GGT7: variants seen among roughly 807,000 people sequenced by gnomAD.
The protein encoded by GGT7 is gamma-glutamyltransferase 7.
A neutral mutation model predicts 69.2 loss-of-function variants in GGT7; 30 were observed. The observed-to-expected ratio is 0.43, with a 90% CI of 0.32 to 0.59. The LOEUF is 0.59. Ranked by LOEUF, GGT7 falls within the 20% of genes least tolerant of loss-of-function variation. The pLI is 0.05. For missense variants in GGT7, 733 were observed against 901.1 expected (o/e 0.81, Z 2.39); for synonymous variants, 388 against 391.8 (o/e 0.99, Z 0.12).
Position 34,847,608 on chromosome 20 carries a change from T to C in GGT7, c.1826-2117A>G, listed in dbSNP as rs1190314483. ...GCAAGGAACAAGTTTCAGTCTGCTC[T>C]CTAACGCTTCCTAATCTCCTTCTTT... is the stretch of plus-strand genomic sequence containing the variant. On this transcript the variant is annotated intron_variant, in intron 14 of 14. Transcript: ENST00000336431. 3.9e-5 allele frequency among the ~76,000 whole-genome samples: 6 copies of C among 152,260 alleles called. No individual in the cohort carries two copies. In the East Asian group the frequency reaches 5.8e-4, roughly 15 times the overall value.
rs777536044 is a variant in GGT7 at position 34,854,889 on chromosome 20, C to T, written c.1137G>A (p.Thr379=). The change falls in exon 9 of 15, where the codon ACG becomes ACA. Residue 379 remains threonine (T), a synonymous_variant. Transcript: ENST00000336431. ...HLVLSPPPPH[T]GPALISALNI... The stretch of plus-strand genomic sequence containing the variant: ...TGAGAGCACTGATGAGGGCAGGGCC[C>T]GTGTGCGGAGGTGGGGGACTAAGAA... The T allele has an allele frequency of 5.6e-6, 9 of 1,613,784 alleles. No homozygotes were observed. The highest frequency in any genetic ancestry group is 3.4e-6 in the Non-Finnish European group (4 of 1,179,852).
At position 34,872,793 on chromosome 20, in the gene GGT7, C is replaced by T. The variant is rs760975750; in HGVS notation, c.23G>A (p.Ser8Asn). 3 of 1,378,778 alleles carry T rather than the reference C, an allele frequency of 2.2e-6. No individual in the cohort carries two copies. In the East Asian group the frequency reaches 9.0e-5, roughly 41 times the overall value. The allele number at this position is 1,378,778 out of a possible 1,614,324, so 85.4% of individuals were successfully genotyped here. A position where few individuals can be genotyped will look rare whatever the true frequency, so the allele number is the denominator to read the frequency against. MAAENEASQESALGAYSP... is the reference protein window; with the variant it reads MAAENEANQESALGAYSP... The stretch of plus-strand genomic sequence containing the variant: ...GTAGGCGCCCAGGGCGCTCTCCTGG[C>T]TGGCCTCGTTCTCCGCCGCCATCCT... Residue 8 changes from serine (S) to asparagine (N), a missense_variant, in exon 1 of 15, where the codon AGC becomes AAC. Coordinates refer to ENST00000336431, the MANE Select transcript of GGT7 (RefSeq NM_178026.3).
Position 34,845,126 on chromosome 20 carries a change from A to ACCACCACCC in GGT7, c.*201_*202insGGGTGGTGG. 2.8e-6 allele frequency: 1 copy of ACCACCACCC among 359,886 alleles called. No homozygotes were observed. Among genetic ancestry groups the ACCACCACCC allele is most frequent in the South Asian group, 2.4e-5 (1 of 42,218 alleles). 22.3% of individuals were successfully genotyped at this position (359,886 alleles called of 1,614,324 possible). On this transcript the variant is annotated 3_prime_UTR_variant, in exon 15 of 15. Transcript: ENST00000336431. Reference sequence around the variant, plus strand: ...GATGCTGACACTCACCACCACCACCACCACCACCACCACCACCACCACCAC... The same window carrying ACCACCACCC: ...GATGCTGACACTCACCACCACCACCACCACCACCCCCACCACCACCACCACCACCACCAC...
In GGT7 at chr20:34,852,378, A is replaced by G; in HGVS notation, c.1469+11T>C. ...TCCCTTGTTCCAGGTTCTGAGTCTG[A>G]GCTGGCATACCTAACCATGGCCACA... On this transcript the variant is annotated intron_variant, in intron 11 of 14. Coordinates refer to ENST00000336431, the MANE Select transcript of GGT7 (RefSeq NM_178026.3). The G allele has an allele frequency of 6.2e-7, 1 of 1,613,942 alleles. No homozygotes were observed. Among genetic ancestry groups the G allele is most frequent in the Non-Finnish European group, 8.5e-7 (1 of 1,179,952 alleles).
At chr20:34,860,102 G>A in intron 5 of GGT7, 60 bp from the exon 6 acceptor site, 1 of 909,430 alleles carries the variant, frequency 1.1e-6, no homozygotes. Flanking sequence ...AGGGGTCCGG[G>A]GGGAGGGGGG....
chr20:34,845,138 A>ACCC lies in GGT7; in HGVS notation c.*189_*190insGGG. The ACCC allele has an allele frequency of 9.5e-6, 3 of 317,238 alleles. No individual in the cohort carries two copies. Among genetic ancestry groups the ACCC allele is most frequent in the South Asian group, 2.6e-5 (1 of 38,720 alleles). The allele number at this position is 317,238 out of a possible 1,614,324, so 19.7% of individuals were successfully genotyped here. The stretch of plus-strand genomic sequence containing the variant: ...CACCACCACCACCACCACCACCACC[A>ACCC]CCACCACCACCACCACAGGCCTCCT... On this transcript the variant is annotated 3_prime_UTR_variant, in exon 15 of 15. Coordinates refer to ENST00000336431, the MANE Select transcript of GGT7 (RefSeq NM_178026.3).
Position 34,863,793 on chromosome 20 carries a change from G to A in GGT7, c.170-245C>T. On this transcript the variant is annotated intron_variant, in intron 1 of 14. Transcript: ENST00000336431. The surrounding 1 kb of genome is among the most constrained non-coding windows in gnomAD (Gnocchi z 4.4). The stretch of plus-strand genomic sequence containing the variant: ...GGAGGCTGGATTCCCGCCCCTCCCT[G>A]ATACCTAGGCCAAATTTCCTGGCAC... 1.4e-6 allele frequency: 1 copy of A among 697,208 alleles called. No individual in the cohort carries two copies. The highest frequency in any genetic ancestry group is 2.7e-6 in the Non-Finnish European group (1 of 372,538). 43.2% of individuals were successfully genotyped at this position (697,208 alleles called of 1,614,324 possible). A position where few individuals can be genotyped will look rare whatever the true frequency, so the allele number is the denominator to read the frequency against.
intron 4 of GGT7, among the ~76,000 whole-genome samples, chr20:34,860,745 G>A (rs2079581331): frequency 6.8e-6 from 1 of 148,080 alleles, no homozygotes; most frequent in Non-Finnish European, 1.5e-5. Flanking sequence ...AGCGATCCTT[G>A]GTGCATGCTA....
At position 34,859,446 on chromosome 20, in the gene GGT7, G is replaced by T; in HGVS notation, c.1011C>A (p.Ala337=). The stretch of plus-strand genomic sequence containing the variant: ...CCCGCACAACACGAGCACTTACCTC[G>T]GCCACCATCTCCAGTGTGAGGTTGC... ...AGGNLTLEMV[A]EAQHAGGVIT... The change falls in exon 7 of 15, where the codon GCC becomes GCA. Residue 337 remains alanine (A), a synonymous_variant. Transcript: ENST00000336431. 1.9e-6 allele frequency: 3 copies of T among 1,578,090 alleles called. No homozygotes were observed. Among genetic ancestry groups the T allele is most frequent in the Non-Finnish European group, 2.6e-6 (3 of 1,154,290 alleles).
intron 14 of GGT7, among the ~76,000 whole-genome samples, chr20:34,847,449 A>T (rs2079319598): frequency 6.6e-6 from 1 of 152,200 alleles, no homozygotes; most frequent in Non-Finnish European, 1.5e-5. Context: ...CTCAATAAAG[A>T]TCTAGTCTTC....
rs533561120 is a variant in GGT7 at position 34,860,637 on chromosome 20, C to CTTT, written c.676-319_676-317dup. 3.8e-4 allele frequency among the ~76,000 whole-genome samples: 43 copies of CTTT among 113,858 alleles called. 2 individuals are homozygous for CTTT. The highest frequency in any genetic ancestry group is 1.6e-3 in the South Asian group (5 of 3,170). The allele number at this position is 113,858 out of a possible 152,430, so 74.7% of individuals were successfully genotyped here. A position where few individuals can be genotyped will look rare whatever the true frequency, so the allele number is the denominator to read the frequency against. ...TACATTGGATTTCACCAACCCCTGC[C>CTTT]TTTTTTTTTTTTTTTTTTTTTTTTT... On this transcript the variant is annotated intron_variant, in intron 4 of 14. Coordinates refer to ENST00000336431, the MANE Select transcript of GGT7 (RefSeq NM_178026.3).
rs138170250 is a variant in GGT7 at position 34,847,520 on chromosome 20, C to A, written c.1826-2029G>T. On this transcript the variant is annotated intron_variant, in intron 14 of 14. Transcript: ENST00000336431. ...GAGATGAAGACCCAATCTTGAATAG[C>A]ATTAAATCACTTAATCGAAAATCTA... Among the ~76,000 whole-genome samples the A allele has an allele frequency of 4.1e-3, 631 of 152,334 alleles. 15 individuals carry two copies. Among genetic ancestry groups the A allele is most frequent in the African/African-American group, 0.014 (596 of 41,570 alleles).
At chr20:34,852,654 T>TACTGC in intron 10 of GGT7, 116 bp from the exon 11 acceptor site, 2 of 937,486 alleles carry the variant, frequency 2.1e-6, no homozygotes, top group Non-Finnish European at 3.1e-6. Flanking sequence ...CTCACTGGAC[T>TACTGC]ACTAGGTCTA....
At chr20:34,861,003 G>A (rs2079584815) in intron 4 of GGT7, among the ~76,000 whole-genome samples, 1 of 152,172 alleles carries the variant, frequency 6.6e-6, no homozygotes, top group Non-Finnish European at 1.5e-5. Flanking sequence ...GGGTGTGTTT[G>A]GCTTTTGCCA....
intron 7 of GGT7, among the ~76,000 whole-genome samples, chr20:34,857,687 G>A (rs2079518733): frequency 7.0e-6 from 1 of 143,400 alleles, no homozygotes; most frequent in African/African-American, 2.6e-5. Context: ...GCACGATCAT[G>A]GCTCACTGTA....
chr20:34,860,765 G>T (rs1341975003), intron 4 of GGT7, among the ~76,000 whole-genome samples: 1 of 151,080 alleles, frequency 6.6e-6, no homozygotes, highest in East Asian at 2.0e-4. Context: ...ACTGTGCCTG[G>T]CTAATTTCAA....
In GGT7 at chr20:34,856,770, C is replaced by T. The variant is rs758364025; in HGVS notation, c.1102+36G>A. On this transcript the variant is annotated intron_variant, in intron 8 of 14. Transcript: ENST00000336431. ...GTGGCCATGGACTGGGAGGCTTCTCCTGAGGGGGGACCCTGGGAGCCGGGG... is the reference window on the plus strand; with the variant it reads ...GTGGCCATGGACTGGGAGGCTTCTCTTGAGGGGGGACCCTGGGAGCCGGGG... 4.7e-6 allele frequency: 6 copies of T among 1,266,486 alleles called. No individual in the cohort carries two copies. The South Asian group carries it at 4.9e-5, about 10-fold the overall frequency. The allele number at this position is 1,266,486 out of a possible 1,614,324, so 78.5% of individuals were successfully genotyped here. A position where few individuals can be genotyped will look rare whatever the true frequency, so the allele number is the denominator to read the frequency against.
Position 34,859,432 on chromosome 20 carries a change from C to A in GGT7, c.1014+11G>T. 1.3e-6 allele frequency: 2 copies of A among 1,567,088 alleles called. No individual in the cohort carries two copies. Among genetic ancestry groups the A allele is most frequent in the South Asian group, 1.2e-5 (1 of 86,216 alleles). On this transcript the variant is annotated intron_variant, in intron 7 of 14. Coordinates refer to ENST00000336431, the MANE Select transcript of GGT7 (RefSeq NM_178026.3). ...GGGGCATGCCCCCACCCGCACAACA[C>A]GAGCACTTACCTCGGCCACCATCTC...
chr20:34,860,158 G>T, intron 5 of GGT7, 96 bp downstream of exon 5: 2 of 1,042,456 alleles, frequency 1.9e-6, no homozygotes. Flanking sequence ...TATTAGGAGG[G>T]GGAGTTGGGA....
Sources: gnomAD v4.1 joint callset for allele counts (sites outside exome capture counted in the v4.1 genomes callset) on GRCh38, gnomAD v4.1.1 for gene constraint, Gnocchi (gnomAD v3.1) non-coding constraint, MANE v1.5 for transcripts, NCBI Gene and HGNC (gene_info 2026-07-23, HGNC 2026-07-21) for gene names.